The following ABHD18 variants were observed in gnomAD, a reference collection of about 807,000 sequenced individuals.
ABHD18 encodes cardiolipin-specific deacylase, mitochondrial.
Under a neutral mutation model 65.9 loss-of-function variants are expected in ABHD18, and 55 were observed. That is an observed-to-expected ratio of 0.84 (90% confidence interval 0.67 to 1.05). The LOEUF is 1.05. ABHD18 is among the 50% of genes least tolerant of loss of function. ABHD18 has a pLI of 0.00. For synonymous variants in ABHD18, 181 were observed against 180.2 expected (o/e 1.00, Z -0.04); for missense variants, 533 against 558.5 (o/e 0.95, Z 0.46).
intron 1 of ABHD18, among the ~76,000 whole-genome samples, chr4:127,979,312 T>C (rs1383167996): frequency 6.6e-6 from 1 of 152,078 alleles, no homozygotes; most frequent in Non-Finnish European, 1.5e-5. Context: ...TCCCAACACT[T>C]TGGGGAGCTG....
At chr4:127,989,469 A>T (rs1750553110) in intron 3 of ABHD18, among the ~76,000 whole-genome samples, 1 of 152,190 alleles carries the variant, frequency 6.6e-6, no homozygotes, top group African/African-American at 2.4e-5. Flanking sequence ...CAGGTGATGG[A>T]TACCCCAATT....
chr4:127,992,452 G>A (rs998673656), intron 4 of ABHD18, among the ~76,000 whole-genome samples: 2 of 151,944 alleles, frequency 1.3e-5, no homozygotes, highest in African/African-American at 4.8e-5. Context: ...TCCAGGCTAG[G>A]TGACAAGAAT....
rs199862084 is a variant in ABHD18, at chr4:127,989,811, G to A, written c.268G>A (p.Val90Ile). 1.6e-3 allele frequency: 2,578 copies of A among 1,564,048 alleles called. 6 individuals carry two copies. Among genetic ancestry groups the A allele is most frequent in the Non-Finnish European group, 2.1e-3 (2,422 of 1,155,972 alleles). ...GCCTGATATCATGCCAATTGAATCT[G>A]TTATTGCAAGGTAAGAATTTTTTTG... ...YVPDIMPIES[V>I]IARFQFIVPK... is the part of the protein sequence containing the mutation. Residue 90 changes from valine (V) to isoleucine (I), a missense_variant, in exon 4 of 13, where the codon GTT becomes ATT. Val to Ile is a conservative substitution (Grantham distance 29). This residue lies in a region of ABHD18 where 309 missense variants were observed against 313.5 expected (regional missense o/e 0.99). Coordinates refer to ENST00000645843, the MANE Select transcript of ABHD18 (RefSeq NM_001358451.3).
intron 12 of ABHD18, among the ~76,000 whole-genome samples, chr4:128,031,830 T>C (rs548155311): frequency 6.6e-6 from 1 of 152,204 alleles, no homozygotes. Flanking sequence ...TTTTAAGAAG[T>C]ATTCATGCAG....
At chr4:128,010,270 C>G (rs1169612310) in intron 6 of ABHD18, among the ~76,000 whole-genome samples, 17 of 152,208 alleles carry the variant, frequency 1.1e-4, no homozygotes, top group Non-Finnish European at 1.8e-4. Flanking sequence ...TGGCTCACGC[C>G]TGTAATCCCA....
At chr4:128,025,189 G>C (rs896411849) in intron 10 of ABHD18, among the ~76,000 whole-genome samples, 2 of 151,926 alleles carry the variant, frequency 1.3e-5, no homozygotes, top group African/African-American at 2.4e-5. Context: ...ATAAAAATAT[G>C]AACTTTTTTT....
chr4:127,967,252 G>A (rs999908858), intron 1 of ABHD18, among the ~76,000 whole-genome samples: 10 of 151,834 alleles, frequency 6.6e-5, no homozygotes, highest in Admixed American at 4.0e-4. Flanking sequence ...AATCCTCTGA[G>A]GGGGGAATTG....
intron 12 of ABHD18, chr4:128,031,137 A>G: frequency 1.0e-6 from 1 of 985,884 alleles, no homozygotes. Flanking sequence ...ATATGACTCC[A>G]CTATTTTAGT....
At chr4:128,020,830 T>G (rs1756369027) in intron 9 of ABHD18, among the ~76,000 whole-genome samples, 1 of 152,052 alleles carries the variant, frequency 6.6e-6, no homozygotes, top group Non-Finnish European at 1.5e-5. Flanking sequence ...GGTCAGGAGT[T>G]CAAGACCAGC....
intron 6 of ABHD18, among the ~76,000 whole-genome samples, chr4:128,011,143 A>T (rs114566680): frequency 0.029 from 4,385 of 151,470 alleles, 196 homozygotes; most frequent in African/African-American, 0.1. Flanking sequence ...GAATTATGTG[A>T]TATATGATTT....
intron 4 of ABHD18, among the ~76,000 whole-genome samples, chr4:128,006,372 C>T (rs1265847667): frequency 2.0e-5 from 3 of 152,256 alleles, no homozygotes; most frequent in South Asian, 2.1e-4. Context: ...ATGCTGAGAA[C>T]GCAAAATGAA....
intron 11 of ABHD18, among the ~76,000 whole-genome samples, chr4:128,029,605 C>A (rs994085655): frequency 2.6e-5 from 4 of 152,174 alleles, no homozygotes; most frequent in African/African-American, 7.2e-5. Flanking sequence ...GGGTGGATCA[C>A]TTGAGGTCAG....
At chr4:128,007,514 G>A (rs1753801962) in intron 4 of ABHD18, among the ~76,000 whole-genome samples, 2 of 151,918 alleles carry the variant, frequency 1.3e-5, no homozygotes, top group South Asian at 4.1e-4. Flanking sequence ...GGCTAAGGCG[G>A]GAGGATCACT....
chr4:128,000,603 T>C (rs1481413860), intron 4 of ABHD18, among the ~76,000 whole-genome samples: 1 of 152,210 alleles, frequency 6.6e-6, no homozygotes, highest in African/African-American at 2.4e-5. Flanking sequence ...TAAGATTGCT[T>C]TGGTGATTCA....
chr4:127,968,277 GTTGAA>G (rs1224950999), intron 1 of ABHD18, among the ~76,000 whole-genome samples: 2 of 152,228 alleles, frequency 1.3e-5, no homozygotes, highest in African/African-American at 4.8e-5. Flanking sequence ...AATTATATTT[GTTGAA>G]TTATATTTGT....
At position 128,028,655 on chromosome 4, in the gene ABHD18, G is replaced by A; in HGVS notation, c.982G>A (p.Gly328Arg). 1 of 1,613,778 alleles carries A rather than the reference G, an allele frequency of 6.2e-7. No individual in the cohort carries two copies. Among genetic ancestry groups the A allele is most frequent in the Non-Finnish European group, 8.5e-7 (1 of 1,179,838 alleles). Residue 328 changes from glycine (G) to arginine (R), a missense_variant, in exon 11 of 13, where the codon GGA (glycine) becomes AGA (arginine). Gly to Arg is a moderately radical substitution (Grantham distance 125). Around this residue, in one of 3 missense-constraint regions of ABHD18, gnomAD observed 220 missense variants for 226.8 expected, o/e 0.97. Coordinates refer to ENST00000645843, the MANE Select transcript of ABHD18 (RefSeq NM_001358451.3). ...AACATCTGTCAGTGCGACATCAGAA[G>A]GACTCTTATTGCAAGATACCTCTAA... is the stretch of plus-strand genomic sequence containing the variant. ...SKTSVSATSEGLLLQDTSKMK... is the reference protein window; with the variant it reads ...SKTSVSATSERLLLQDTSKMK...
chr4:127,967,981 G>C (rs999555304), intron 1 of ABHD18, among the ~76,000 whole-genome samples: 1 of 152,176 alleles, frequency 6.6e-6, no homozygotes, highest in Non-Finnish European at 1.5e-5. Flanking sequence ...CAGCACTTTG[G>C]GAGGCCGAGG....
At chr4:128,030,882 A>G (rs1758110191) in intron 12 of ABHD18, 3 of 1,296,326 alleles carry the variant, frequency 2.3e-6, no homozygotes, top group Non-Finnish European at 2.9e-6. Flanking sequence ...AGCATGATGC[A>G]TATTATAGGC....
At chr4:127,996,244 T>C (rs1168422830) in intron 4 of ABHD18, among the ~76,000 whole-genome samples, 1 of 152,204 alleles carries the variant, frequency 6.6e-6, no homozygotes, top group Non-Finnish European at 1.5e-5. Context: ...CTTTTCACTT[T>C]TATCGGGGGA....
Sources: gnomAD v4.1 joint callset for allele counts (sites outside exome capture counted in the v4.1 genomes callset) on GRCh38, gnomAD v4.1.1 for gene constraint, gnomAD v4.1.1 regional missense constraint, MANE v1.5 for transcripts, NCBI Gene and HGNC (gene_info 2026-07-23, HGNC 2026-07-21) for gene names.